The following PLA2G2C variants were observed in gnomAD, a reference collection of about 807,000 sequenced individuals.
PLA2G2C encodes the protein phospholipase A2 group IIC.
In PLA2G2C, 15 loss-of-function variants were observed where a neutral mutation model predicts 14.3. That is an observed-to-expected ratio of 1.05 (90% CI 0.70 to 1.62). PLA2G2C has a LOEUF of 1.62. Among genes scored for constraint, PLA2G2C ranks in the 40% most tolerant of loss-of-function variants. The pLI is 0.00. For missense variants in PLA2G2C, 162 were observed against 173.2 expected (o/e 0.94, Z 0.36); for synonymous variants, 79 against 67.7 (o/e 1.17, Z -0.82).
At chr1:20,167,172 C>A (rs140014484) in intron 4 of PLA2G2C, among the ~76,000 whole-genome samples, 145 of 152,330 alleles carry the variant, frequency 9.5e-4, no homozygotes, top group African/African-American at 3.4e-3. Context: ...TCTCTGAATT[C>A]TCTGAGGGGT....
intron 4 of PLA2G2C, among the ~76,000 whole-genome samples, chr1:20,167,368 C>T (rs570234320): frequency 7.6e-4 from 116 of 152,308 alleles, no homozygotes; most frequent in Middle Eastern, 3.4e-3. Flanking sequence ...GCTCTCCCCC[C>T]ATCTTCACAA....
chr1:20,164,851 A>G (rs1227008842), intron 4 of PLA2G2C, among the ~76,000 whole-genome samples: 5 of 152,180 alleles, frequency 3.3e-5, no homozygotes, highest in African/African-American at 1.2e-4. Context: ...CTGTGTTTAA[A>G]ATAGCCCATG....
At chr1:20,174,625 T>C (rs1337228989) in intron 3 of PLA2G2C, among the ~76,000 whole-genome samples, 1 of 152,238 alleles carries the variant, frequency 6.6e-6, no homozygotes, top group Admixed American at 6.5e-5. Flanking sequence ...AACGGCATAA[T>C]TGCAGAGACT....
Position 20,174,988 on chromosome 1 carries a change from T to C in PLA2G2C, c.179+19A>G. ...AATGCAAAACAAATGATAAGTGGCCTTAGAGCCTCTGCACCCACCTGTCAG... is the reference window on the plus strand; with the variant it reads ...AATGCAAAACAAATGATAAGTGGCCCTAGAGCCTCTGCACCCACCTGTCAG... On this transcript the variant is annotated intron_variant, in intron 3 of 4. Transcript: ENST00000679259. 1.2e-6 allele frequency: 2 copies of C among 1,603,166 alleles called. No individual in the cohort carries two copies. Among genetic ancestry groups the C allele is most frequent in the Non-Finnish European group, 1.7e-6 (2 of 1,174,262 alleles).
At chr1:20,183,042 G>T (rs926164384) in intron 1 of PLA2G2C, among the ~76,000 whole-genome samples, 1 of 152,226 alleles carries the variant, frequency 6.6e-6, no homozygotes, top group African/African-American at 2.4e-5. Flanking sequence ...TGTGGACAAG[G>T]CAGGGGATTC....
intron 4 of PLA2G2C, among the ~76,000 whole-genome samples, chr1:20,166,698 C>A (rs775774023): frequency 2.0e-5 from 3 of 152,194 alleles, no homozygotes; most frequent in Non-Finnish European, 4.4e-5. Context: ...TGCCTCAAGT[C>A]TCTAGCTCTC....
chr1:20,164,366 G>A (rs992821616), intron 4 of PLA2G2C, among the ~76,000 whole-genome samples: 12 of 152,100 alleles, frequency 7.9e-5, no homozygotes, highest in Non-Finnish European at 1.3e-4. Flanking sequence ...GTGCATCTGC[G>A]TGCATTTGTG....
chr1:20,167,266 A>G (rs911678587), intron 4 of PLA2G2C, among the ~76,000 whole-genome samples: 2 of 152,052 alleles, frequency 1.3e-5, no homozygotes, highest in African/African-American at 4.8e-5. Context: ...AGACTTCAAT[A>G]AGCACGTGTC....
chr1:20,173,787 A>G lies in PLA2G2C; in HGVS notation c.180-890T>C, dbSNP rs1178369286. Among the ~76,000 whole-genome samples, 5 of 152,218 alleles carry G rather than the reference A, an allele frequency of 3.3e-5. No homozygotes were observed. In the East Asian group the frequency reaches 9.6e-4, roughly 29 times the overall value. On this transcript the variant is annotated intron_variant, in intron 3 of 4. Transcript: ENST00000679259. ...TCTAAGGCCTGAAAGGCCAAGAAAAATGTTTCAGTCTCCCTCTCTCACCAT... is the reference window on the plus strand; with the variant it reads ...TCTAAGGCCTGAAAGGCCAAGAAAAGTGTTTCAGTCTCCCTCTCTCACCAT...
At chr1:20,182,612 G>A (rs1023084731) in intron 1 of PLA2G2C, among the ~76,000 whole-genome samples, 1 of 152,198 alleles carries the variant, frequency 6.6e-6, no homozygotes, top group Non-Finnish European at 1.5e-5. Flanking sequence ...TCATCATCCA[G>A]AAACTTCCCT....
At chr1:20,175,672 C>T (rs767370649) in intron 2 of PLA2G2C, among the ~76,000 whole-genome samples, 3 of 152,100 alleles carry the variant, frequency 2.0e-5, no homozygotes, top group Non-Finnish European at 2.9e-5. Context: ...GGCACAAATG[C>T]ATACACAAAA....
intron 1 of PLA2G2C, among the ~76,000 whole-genome samples, chr1:20,178,004 G>A (rs1016099126): frequency 2.6e-5 from 4 of 152,168 alleles, no homozygotes; most frequent in African/African-American, 9.7e-5. Context: ...TTATCATTTT[G>A]AAGTTGGGTA....
chr1:20,183,000 A>G (rs987993853), intron 1 of PLA2G2C, among the ~76,000 whole-genome samples: 4 of 151,666 alleles, frequency 2.6e-5, no homozygotes, highest in Non-Finnish European at 5.9e-5. Context: ...CACCATCATC[A>G]TTGCCGAGCA....
chr1:20,182,586 C>T (rs1013895555), intron 1 of PLA2G2C, among the ~76,000 whole-genome samples: 2 of 152,252 alleles, frequency 1.3e-5, no homozygotes, highest in Admixed American at 1.3e-4. Context: ...CATGTCTGTA[C>T]TTCAAGGGTT....
At position 20,177,346 on chromosome 1, in the gene PLA2G2C, G is replaced by A. The variant is rs2018204554; in HGVS notation, c.18C>T (p.Ile6=). The A allele has an allele frequency of 1.4e-6, 1 of 700,796 alleles. No individual in the cohort carries two copies. Among genetic ancestry groups the A allele is most frequent in the Non-Finnish European group, 2.6e-6 (1 of 384,742 alleles). 43.4% of individuals were successfully genotyped at this position (700,796 alleles called of 1,614,324 possible). The change falls in exon 2 of 5, where the codon ATC becomes ATT. Residue 6 remains isoleucine (I), a synonymous_variant. Transcript: ENST00000679259. ...TACAGCAGAAGAGGAGGAGGGTGAG[G>A]ATGGCAATGACCTTCATTCCTGAGG... MKVIA[I]LTLLLFCSPT...
At chr1:20,164,306 G>GTGCATGTGTGTGTGTGCATA (rs1431064128) in intron 4 of PLA2G2C, 149 bp from the exon 5 acceptor site, 160 of 732,384 alleles carry the variant, frequency 2.2e-4, no homozygotes, top group Admixed American at 2.1e-4. Flanking sequence ...ATGCATATGT[G>GTGCATGTGTGTGTGTGCATA]TGCATGTGTG....
At position 20,164,013 on chromosome 1, in the gene PLA2G2C, C is replaced by T. The variant is rs1373039181; in HGVS notation, c.428G>A (p.Gly143Asp). 3 of 1,613,036 alleles carry T rather than the reference C, an allele frequency of 1.9e-6. No homozygotes were observed. The highest frequency in any genetic ancestry group is 2.7e-5 in the African/African-American group (2 of 74,920). ...FKQFSSQPRC[G>D]RHKPWC is the part of the protein sequence containing the mutation. ...TCCCTAGCACCAGGGCTTATGTCTGCCACACCTGGGCTGGCTGGAGAACTG... is the reference window on the plus strand; with the variant it reads ...TCCCTAGCACCAGGGCTTATGTCTGTCACACCTGGGCTGGCTGGAGAACTG... The change falls in exon 5 of 5, where the codon GGC (glycine) becomes GAC (aspartate). Residue 143 changes from glycine to aspartate, a missense_variant. By Grantham distance (94) the Gly-to-Asp change is moderately conservative (BLOSUM62 -1). Transcript: ENST00000679259.
At chr1:20,168,264 A>G (rs2018009861) in intron 4 of PLA2G2C, among the ~76,000 whole-genome samples, 1 of 152,186 alleles carries the variant, frequency 6.6e-6, no homozygotes, top group African/African-American at 2.4e-5. Flanking sequence ...CTATTTCATG[A>G]GTGCTTTTGT....
At chr1:20,183,549 G>A (rs569917802) in intron 1 of PLA2G2C, among the ~76,000 whole-genome samples, 18 of 152,362 alleles carry the variant, frequency 1.2e-4, no homozygotes, top group African/African-American at 3.8e-4. Context: ...ATTAAGGAGC[G>A]TTGTGAAGAT....
Sources: allele counts gnomAD v4.1 joint callset (sites outside exome capture counted in the v4.1 genomes callset), GRCh38; gene constraint gnomAD v4.1.1; transcripts MANE v1.5; gene names NCBI Gene and HGNC (gene_info 2026-07-23, HGNC 2026-07-21).